The following UBE2E2 variants were observed in gnomAD, a reference collection of about 807,000 sequenced individuals.
UBE2E2 encodes the protein ubiquitin-conjugating enzyme E2 E2.
In UBE2E2, 6 loss-of-function variants were observed where a neutral mutation model predicts 24.7. The ratio of observed to expected loss-of-function variants is 0.24; its 90% CI spans 0.13 to 0.48. The LOEUF (loss-of-function observed/expected upper bound fraction) is 0.48. Ranked by LOEUF, UBE2E2 falls within the 20% of genes least tolerant of loss-of-function variation. UBE2E2 has a pLI of 0.99. For missense variants in UBE2E2, 169 were observed against 245.0 expected (o/e 0.69, Z 2.07); for synonymous variants, 104 against 83.6 (o/e 1.24, Z -1.33).
chr3:23,491,062 A>G (rs1228504003), intron 3 of UBE2E2, among the ~76,000 whole-genome samples: 2 of 152,188 alleles, frequency 1.3e-5, no homozygotes, highest in Non-Finnish European at 2.9e-5. Context: ...TTAACAGTCC[A>G]TTTCTGCATG....
At chr3:23,381,240 T>G (rs1696662266) in intron 3 of UBE2E2, among the ~76,000 whole-genome samples, 1 of 152,220 alleles carries the variant, frequency 6.6e-6, no homozygotes, top group Non-Finnish European at 1.5e-5. Context: ...AGGTATAGAT[T>G]AGCTCTGGAT....
At chr3:23,352,474 G>T (rs1002080723) in intron 3 of UBE2E2, among the ~76,000 whole-genome samples, 16 of 152,224 alleles carry the variant, frequency 1.1e-4, no homozygotes, top group African/African-American at 3.9e-4. Context: ...CAACAAAATT[G>T]TTAGACCGCT....
chr3:23,426,380 A>G (rs1288894176), intron 3 of UBE2E2, among the ~76,000 whole-genome samples: 2 of 150,232 alleles, frequency 1.3e-5, no homozygotes, highest in African/African-American at 4.9e-5. Flanking sequence ...ACACTAAACC[A>G]CAGATTCAGG....
chr3:23,289,909 T>TA (rs1327737113), intron 3 of UBE2E2, among the ~76,000 whole-genome samples: 1 of 152,186 alleles, frequency 6.6e-6, no homozygotes, highest in Non-Finnish European at 1.5e-5. Flanking sequence ...GTGATATAAT[T>TA]AAAAAATATG....
chr3:23,577,914 C>T (rs1696382225), intron 5 of UBE2E2, among the ~76,000 whole-genome samples: 1 of 151,402 alleles, frequency 6.6e-6, no homozygotes, highest in Non-Finnish European at 1.5e-5. Flanking sequence ...TCTGCCTGTG[C>T]TCTCTGAGTG....
At chr3:23,330,862 A>G (rs1336015632) in intron 3 of UBE2E2, among the ~76,000 whole-genome samples, 2 of 152,156 alleles carry the variant, frequency 1.3e-5, no homozygotes. Context: ...ATAAGAAAGG[A>G]TTTATTGTTA....
chr3:23,440,804 GT>G lies in UBE2E2; in HGVS notation c.228-58803del, dbSNP rs200640355. 2.0e-3 allele frequency among the ~76,000 whole-genome samples: 299 copies of G among 152,226 alleles called. 6 individuals carry two copies. In the East Asian group the frequency reaches 0.047, roughly 24 times the overall value. Reference sequence around the variant, plus strand: ...TTGGATTTAAAAAAAAAGAAAAAAAGTGTCCTGAAGTCATTTCCTGCCAGTT... The same window carrying G: ...TTGGATTTAAAAAAAAAGAAAAAAAGGTCCTGAAGTCATTTCCTGCCAGTT... On this transcript the variant is annotated intron_variant, in intron 3 of 5. Transcript: ENST00000396703.
chr3:23,534,669 G>C (rs1265153008), intron 5 of UBE2E2, among the ~76,000 whole-genome samples: 3 of 151,514 alleles, frequency 2.0e-5, no homozygotes, highest in African/African-American at 7.3e-5. Context: ...CCATTCTTTT[G>C]CTTAATGGAC....
At chr3:23,314,737 G>GT (rs951122309) in intron 3 of UBE2E2, among the ~76,000 whole-genome samples, 8 of 152,026 alleles carry the variant, frequency 5.3e-5, no homozygotes, top group African/African-American at 1.5e-4. Flanking sequence ...CTGAGTAGAA[G>GT]TTTTTTTTCC....
chr3:23,231,964 C>T (rs769066370), intron 3 of UBE2E2, among the ~76,000 whole-genome samples: 12 of 152,212 alleles, frequency 7.9e-5, no homozygotes, highest in South Asian at 2.1e-4. Flanking sequence ...TTCACCTTTA[C>T]GTCAGCCTCC....
chr3:23,284,520 A>C (rs1171061257), intron 3 of UBE2E2, among the ~76,000 whole-genome samples: 1 of 104,600 alleles, frequency 9.6e-6, no homozygotes, highest in African/African-American at 3.0e-5. Context: ...TATTATTATG[A>C]TTATTATTTT....
intron 3 of UBE2E2, among the ~76,000 whole-genome samples, chr3:23,460,386 C>T (rs547521675): frequency 2.0e-5 from 3 of 152,330 alleles, no homozygotes; most frequent in South Asian, 4.1e-4. Context: ...TACTCAGGCT[C>T]AAATTCTGGC....
chr3:23,457,338 C>T (rs896853110), intron 3 of UBE2E2, among the ~76,000 whole-genome samples: 1 of 152,168 alleles, frequency 6.6e-6, no homozygotes, highest in Non-Finnish European at 1.5e-5. Flanking sequence ...ATAACAAAAG[C>T]TCAAGGTATA....
At chr3:23,518,711 G>C (rs1694798304) in intron 4 of UBE2E2, among the ~76,000 whole-genome samples, 1 of 152,212 alleles carries the variant, frequency 6.6e-6, no homozygotes, top group African/African-American at 2.4e-5. Context: ...TCTGGCTGCT[G>C]TGTGCCTGCA....
chr3:23,582,965 G>A (rs766419935), intron 5 of UBE2E2, among the ~76,000 whole-genome samples: 15 of 150,442 alleles, frequency 1.0e-4, no homozygotes, highest in Admixed American at 4.6e-4. Flanking sequence ...TGTTTTTGTC[G>A]TAGTTGCTTT....
chr3:23,322,365 A>G (rs1044560044), intron 3 of UBE2E2, among the ~76,000 whole-genome samples: 3 of 152,204 alleles, frequency 2.0e-5, no homozygotes, highest in Admixed American at 2.0e-4. Context: ...AATAATTTGT[A>G]TCTAAGCTGA....
At chr3:23,532,467 T>G in intron 4 of UBE2E2, 87 bp from the exon 5 acceptor site, 4 of 1,241,956 alleles carry the variant, frequency 3.2e-6, no homozygotes, top group Non-Finnish European at 4.3e-6. Context: ...TCTGATAAAA[T>G]AGGCAATTTT....
intron 3 of UBE2E2, among the ~76,000 whole-genome samples, chr3:23,413,146 T>G (rs1365869157): frequency 2.0e-5 from 3 of 151,452 alleles, no homozygotes; most frequent in African/African-American, 2.4e-5. Flanking sequence ...TGTATACATA[T>G]GTAACAAGCC....
intron 5 of UBE2E2, among the ~76,000 whole-genome samples, chr3:23,581,500 A>G (rs1696477211): frequency 1.3e-5 from 2 of 152,174 alleles, no homozygotes; most frequent in African/African-American, 2.4e-5. Context: ...TTCAATTTGT[A>G]TATGCTTTAC....
Sources: allele counts gnomAD v4.1 joint callset (sites outside exome capture counted in the v4.1 genomes callset), GRCh38; gene constraint gnomAD v4.1.1; transcripts MANE v1.5; gene names NCBI Gene and HGNC (gene_info 2026-07-23, HGNC 2026-07-21).